CNTN1: variants seen among roughly 807,000 people sequenced by gnomAD.
The protein encoded by CNTN1 is contactin 1.
Under a neutral mutation model 126.4 loss-of-function variants are expected in CNTN1, and 38 were observed. The ratio of observed to expected loss-of-function variants is 0.30; its 90% CI spans 0.23 to 0.39. The LOEUF (loss-of-function observed/expected upper bound fraction) is 0.39, where lower values mean the gene tolerates loss of function less well. CNTN1 is among the 10% of genes least tolerant of loss of function. The probability of loss-of-function intolerance (pLI) is 1.00; values close to 1 mark genes in which losing one functional copy is unlikely to be tolerated. For synonymous variants in CNTN1, 413 were observed against 422.6 expected (o/e 0.98, Z 0.28); for missense variants, 1,009 against 1,248.4 (o/e 0.81, Z 2.89).
chr12:40,711,735 A>C (rs552716724), intron 1 of CNTN1, among the ~76,000 whole-genome samples: 1 of 151,930 alleles, frequency 6.6e-6, no homozygotes, highest in South Asian at 2.1e-4. Flanking sequence ...TTTAAGAGAC[A>C]GGATCTTGCT....
intron 21 of CNTN1, 96 bp from the exon 22 acceptor site, chr12:41,027,761 T>C: frequency 1.3e-6 from 1 of 790,994 alleles, no homozygotes; most frequent in South Asian, 1.4e-5. Flanking sequence ...ATGGTGGTGG[T>C]CATTATCATC....
Position 40,889,631 on chromosome 12 carries a change from A to G in CNTN1, c.-76-18726A>G, listed in dbSNP as rs936042595. ...GAATTATTTAATCATAAAATGTAAT[A>G]CTCATCCTTAAAGAAGGGCAGAAAT... On this transcript the variant is annotated intron_variant, in intron 1 of 23. Coordinates refer to ENST00000551295, the MANE Select transcript of CNTN1 (RefSeq NM_001843.4). Among the ~76,000 whole-genome samples the G allele has an allele frequency of 2.0e-5, 3 of 152,214 alleles. No individual in the cohort carries two copies. The South Asian group carries it at 6.2e-4, about 32-fold the overall frequency.
chr12:40,856,338 A>T (rs1354127858), intron 1 of CNTN1, among the ~76,000 whole-genome samples: 6 of 152,146 alleles, frequency 3.9e-5, no homozygotes. Flanking sequence ...AACTCAATAA[A>T]TTTCTGTATT....
chr12:40,889,771 T>C (rs1457452859), intron 1 of CNTN1, among the ~76,000 whole-genome samples: 1 of 152,208 alleles, frequency 6.6e-6, no homozygotes, highest in African/African-American at 2.4e-5. Flanking sequence ...AGAAGAATCA[T>C]GAAGACGAGC....
chr12:41,020,818 G>C lies in CNTN1; in HGVS notation c.2523+378G>C, dbSNP rs183258646. ...CATCCTGAAAATAGTCATCCTCTTT[G>C]AGTCAGTAGTTCCATTTCGAAAAGT... On this transcript the variant is annotated intron_variant, in intron 20 of 23. Transcript: ENST00000551295. 1.3e-4 allele frequency among the ~76,000 whole-genome samples: 20 copies of C among 152,260 alleles called. No homozygotes were observed. In the East Asian group the frequency reaches 3.1e-3, roughly 24 times the overall value.
At chr12:40,884,210 G>T (rs1943958617) in intron 1 of CNTN1, among the ~76,000 whole-genome samples, 1 of 151,274 alleles carries the variant, frequency 6.6e-6, no homozygotes, top group Non-Finnish European at 1.5e-5. Flanking sequence ...CTTATTTTAT[G>T]TTCTTTTAAT....
intron 18 of CNTN1, among the ~76,000 whole-genome samples, chr12:41,015,848 A>C (rs978749741): frequency 6.6e-6 from 1 of 152,240 alleles, no homozygotes; most frequent in African/African-American, 2.4e-5. Flanking sequence ...TAGGGCTGAC[A>C]TAGACTTCTT....
intron 17 of CNTN1, among the ~76,000 whole-genome samples, chr12:41,013,016 C>T (rs185908322): frequency 2.1e-3 from 327 of 152,160 alleles, no homozygotes; most frequent in African/African-American, 7.6e-3. Context: ...AGCTCTCTTT[C>T]TGTAGAGGGA....
chr12:40,767,481 T>A (rs962564082), intron 1 of CNTN1, among the ~76,000 whole-genome samples: 1 of 151,478 alleles, frequency 6.6e-6, no homozygotes, highest in African/African-American at 2.4e-5. Flanking sequence ...GCTAATTTTC[T>A]GTATTTTTAG....
At chr12:40,919,341 T>C (rs1222073604) in intron 4 of CNTN1, among the ~76,000 whole-genome samples, 1 of 152,156 alleles carries the variant, frequency 6.6e-6, no homozygotes, top group Non-Finnish European at 1.5e-5. Flanking sequence ...ATGTATGCTA[T>C]CTAAAACAAC....
chr12:40,860,414 G>C (rs1250837903), intron 1 of CNTN1, among the ~76,000 whole-genome samples: 2 of 151,988 alleles, frequency 1.3e-5, no homozygotes, highest in African/African-American at 4.8e-5. Flanking sequence ...TTAATTTATT[G>C]GAGTTAGTGC....
chr12:40,777,736 G>A (rs796163030), intron 1 of CNTN1, among the ~76,000 whole-genome samples: 2 of 151,866 alleles, frequency 1.3e-5, no homozygotes, highest in African/African-American at 4.8e-5. Context: ...GTAGCTCTGC[G>A]TAATGCTGTG....
chr12:40,991,228 C>T (rs891387672), intron 16 of CNTN1, among the ~76,000 whole-genome samples: 2 of 152,038 alleles, frequency 1.3e-5, no homozygotes, highest in African/African-American at 4.8e-5. Context: ...TCATATCTAC[C>T]TTGGTGGTCT....
intron 1 of CNTN1, among the ~76,000 whole-genome samples, chr12:40,734,065 TATTCATGAATCAA>T (rs1482207190): frequency 5.3e-5 from 8 of 152,204 alleles, no homozygotes; most frequent in Non-Finnish European, 1.2e-4. Context: ...TAAAAAGCCA[TATTCATGAATCAA>T]AGTCAGTGTG....
At chr12:41,021,412 ATTAGC>A (rs1455058003) in intron 20 of CNTN1, among the ~76,000 whole-genome samples, 1 of 151,872 alleles carries the variant, frequency 6.6e-6, no homozygotes, top group Non-Finnish European at 1.5e-5. Flanking sequence ...TCCATGGAAT[ATTAGC>A]CCCATGAGGG....
intron 1 of CNTN1, among the ~76,000 whole-genome samples, chr12:40,898,716 C>T (rs1276776510): frequency 3.9e-5 from 6 of 152,144 alleles, no homozygotes; most frequent in South Asian, 2.1e-4. Flanking sequence ...TCCATGTTGA[C>T]GTCTCTTAAT....
intron 1 of CNTN1, among the ~76,000 whole-genome samples, chr12:40,726,181 A>T (rs1201289396): frequency 1.3e-5 from 2 of 152,200 alleles, no homozygotes; most frequent in Non-Finnish European, 2.9e-5. Context: ...ATTATTGCTG[A>T]TGTGGTAAAA....
At chr12:40,888,389 A>G (rs1244648344) in intron 1 of CNTN1, among the ~76,000 whole-genome samples, 3 of 152,222 alleles carry the variant, frequency 2.0e-5, no homozygotes, top group Non-Finnish European at 2.9e-5. Context: ...TCATAGAGAA[A>G]TGTTAAAATA....
intron 1 of CNTN1, among the ~76,000 whole-genome samples, chr12:40,782,690 G>C (rs1346924241): frequency 6.6e-6 from 1 of 151,910 alleles, no homozygotes; most frequent in Non-Finnish European, 1.5e-5. Context: ...TTGTTGATAA[G>C]AGAAAGTGAT....
Sources: allele counts gnomAD v4.1 joint callset (sites outside exome capture counted in the v4.1 genomes callset), GRCh38; gene constraint gnomAD v4.1.1; transcripts MANE v1.5; gene names NCBI Gene and HGNC (gene_info 2026-07-23, HGNC 2026-07-21).